The following PAPPA2 variants were observed in gnomAD, a reference collection of about 807,000 sequenced individuals.
PAPPA2 encodes the protein pappalysin 2.
PAPPA2 carries 86 observed loss-of-function variants against 176.4 expected under a neutral mutation model. The ratio of observed to expected loss-of-function variants is 0.49; its 90% CI spans 0.41 to 0.58. The LOEUF (loss-of-function observed/expected upper bound fraction) is 0.58. Among genes scored for constraint, PAPPA2 ranks in the 20% least tolerant of loss-of-function variants. The probability of loss-of-function intolerance (pLI) is 0.00; values close to 1 mark genes in which losing one functional copy is unlikely to be tolerated. For synonymous variants in PAPPA2, 809 were observed against 852.2 expected (o/e 0.95, Z 0.88); for missense variants, 2,073 against 2,256.9 (o/e 0.92, Z 1.65).
intron 1 of PAPPA2, among the ~76,000 whole-genome samples, chr1:176,472,565 C>G (rs1224346489): frequency 6.6e-6 from 1 of 152,148 alleles, no homozygotes; most frequent in Non-Finnish European, 1.5e-5. Flanking sequence ...ATGGTACTTA[C>G]AAACCGTAAT....
rs575028240 is a variant in PAPPA2 at position 176,609,623 on chromosome 1, C to G, written c.1991+14028C>G. 6.6e-5 allele frequency among the ~76,000 whole-genome samples: 10 copies of G among 152,294 alleles called. No homozygotes were observed. In the South Asian group the frequency reaches 2.1e-3, roughly 32 times the overall value. The stretch of plus-strand genomic sequence containing the variant: ...ACAGGAAGGAGCTAGCATGCCTGAA[C>G]TGAATGAGTTAGGCAGAGAGTAGTT... On this transcript the variant is annotated intron_variant, in intron 3 of 22. Coordinates refer to ENST00000367662, the MANE Select transcript of PAPPA2 (RefSeq NM_020318.3).
At chr1:176,489,586 G>A (rs573481727) in intron 1 of PAPPA2, among the ~76,000 whole-genome samples, 1 of 152,294 alleles carries the variant, frequency 6.6e-6, no homozygotes, top group South Asian at 2.1e-4. Context: ...CAGATTTGGG[G>A]CAAGCTTTCT....
rs1167302350 is a variant in PAPPA2, at chr1:176,844,589, C to G, written c.*2135C>G. The G allele has an allele frequency of 6.6e-6, 1 of 152,022 alleles. No individual in the cohort carries two copies. Among genetic ancestry groups the G allele is most frequent in the Non-Finnish European group, 1.5e-5 (1 of 67,992 alleles). 9.4% of individuals were successfully genotyped at this position (152,022 alleles called of 1,614,324 possible). On this transcript the variant is annotated 3_prime_UTR_variant, in exon 23 of 23. Coordinates refer to ENST00000367662, the MANE Select transcript of PAPPA2 (RefSeq NM_020318.3). ...ATTGTCTTGGGTCATGCTTAGTGCC[C>G]CCAAGAAGACAAACATATTTATTCT... is the stretch of plus-strand genomic sequence containing the variant.
chr1:176,744,176 A>G (rs1662804896), intron 14 of PAPPA2, among the ~76,000 whole-genome samples: 1 of 152,166 alleles, frequency 6.6e-6, no homozygotes, highest in Non-Finnish European at 1.5e-5. Flanking sequence ...TATCTTTATT[A>G]GGATCATACA....
At chr1:176,525,968 T>C (rs1649479837) in intron 1 of PAPPA2, among the ~76,000 whole-genome samples, 1 of 152,194 alleles carries the variant, frequency 6.6e-6, no homozygotes. Flanking sequence ...ATCTGTATTT[T>C]ACGATGAAGC....
intron 21 of PAPPA2, among the ~76,000 whole-genome samples, chr1:176,837,968 T>G (rs867093338): frequency 3.3e-5 from 5 of 152,312 alleles, no homozygotes; most frequent in South Asian, 4.1e-4. Flanking sequence ...GAGGAGCAAT[T>G]AATTCTAATA....
chr1:176,510,237 C>T, intron 1 of PAPPA2, among the ~76,000 whole-genome samples: 1 of 148,844 alleles, frequency 6.7e-6, no homozygotes, highest in Admixed American at 6.6e-5. Context: ...TTTTAAAAAG[C>T]AGATAGGGGT....
chr1:176,465,282 A>G (rs760598157), intron 1 of PAPPA2, among the ~76,000 whole-genome samples: 42 of 152,332 alleles, frequency 2.8e-4, no homozygotes, highest in Middle Eastern at 6.8e-3. Flanking sequence ...CAAGATGACT[A>G]GTTAAAAGTG....
intron 20 of PAPPA2, among the ~76,000 whole-genome samples, chr1:176,797,261 A>G (rs1665483586): frequency 6.6e-6 from 1 of 152,232 alleles, no homozygotes; most frequent in Non-Finnish European, 1.5e-5. Context: ...GAAAATGTTA[A>G]CAATTTTTGA....
chr1:176,831,073 A>C (rs1013668818), intron 21 of PAPPA2, among the ~76,000 whole-genome samples: 7 of 152,214 alleles, frequency 4.6e-5, no homozygotes, highest in African/African-American at 1.7e-4. Flanking sequence ...GGGGTAGACA[A>C]AAGTTTTTTC....
At position 176,595,094 on chromosome 1, in the gene PAPPA2, C is replaced by T; in HGVS notation, c.1490C>T (p.Pro497Leu). 1.2e-6 allele frequency: 2 copies of T among 1,614,142 alleles called. No homozygotes were observed. The highest frequency in any genetic ancestry group is 1.6e-4 in the Middle Eastern group (1 of 6,062). Reference sequence around the variant, plus strand: ...GAGATTCTGTCGCCTTTGCAGCCCCCACTCTGTGGGCAAACAGTCTGTGAC... The same window carrying T: ...GAGATTCTGTCGCCTTTGCAGCCCCTACTCTGTGGGCAAACAGTCTGTGAC... ...EPEILSPLQP[P>L]LCGQTVCDNV... is the part of the protein sequence containing the mutation. Residue 497 changes from proline (P) to leucine (L), a missense_variant, in exon 3 of 23, where the codon CCA becomes CTA. By Grantham distance (98) the Pro-to-Leu change is moderately conservative (BLOSUM62 -3). This residue lies in a region of PAPPA2 where 1,196 missense variants were observed against 1,330.4 expected (regional missense o/e 0.90). Transcript: ENST00000367662.
chr1:176,674,983 A>C (rs1215766269), intron 4 of PAPPA2, among the ~76,000 whole-genome samples: 1 of 151,946 alleles, frequency 6.6e-6, no homozygotes, highest in African/African-American at 2.4e-5. Context: ...TTCTTGCAGG[A>C]GTAATGTGGT....
At chr1:176,599,153 A>G (rs1204439605) in intron 3 of PAPPA2, among the ~76,000 whole-genome samples, 4 of 150,954 alleles carry the variant, frequency 2.6e-5, no homozygotes, top group Admixed American at 1.3e-4. Flanking sequence ...GTGTGTGTGT[A>G]TATATATATA....
In PAPPA2 at chr1:176,496,980, CT is replaced by C. The variant is rs926577512; in HGVS notation, c.-917+33572del. On this transcript the variant is annotated intron_variant, in intron 1 of 22. Transcript: ENST00000367662. ...ATAGGGCCAGAAACATTCCCTCAAC[CT>C]TTTTTTTTTAACTAGACAGAAAGAG... Among the ~76,000 whole-genome samples the C allele has an allele frequency of 2.5e-3, 368 of 148,628 alleles. 4 individuals are homozygous for C. Among genetic ancestry groups the C allele is most frequent in the African/African-American group, 8.6e-3 (349 of 40,672 alleles).
chr1:176,749,923 A>G (rs1663091292), intron 14 of PAPPA2, among the ~76,000 whole-genome samples: 1 of 152,218 alleles, frequency 6.6e-6, no homozygotes, highest in Non-Finnish European at 1.5e-5. Context: ...TTATGAATAA[A>G]GCTGCTATAA....
chr1:176,827,155 G>A (rs1169171692), intron 21 of PAPPA2, among the ~76,000 whole-genome samples: 10 of 151,708 alleles, frequency 6.6e-5, no homozygotes, highest in South Asian at 4.2e-4. Context: ...GTTCTTCTTC[G>A]TTCATATTGC....
chr1:176,604,658 C>G (rs1437487595), intron 3 of PAPPA2, among the ~76,000 whole-genome samples: 1 of 152,198 alleles, frequency 6.6e-6, no homozygotes, highest in Non-Finnish European at 1.5e-5. Flanking sequence ...ATGAAAAAAA[C>G]TGCCAACCCC....
chr1:176,571,539 G>A (rs2102614178), intron 2 of PAPPA2, among the ~76,000 whole-genome samples: 1 of 152,292 alleles, frequency 6.6e-6, no homozygotes, highest in Admixed American at 6.5e-5. Context: ...AAGATGTGAT[G>A]TCACAGAAGG....
At chr1:176,821,595 CT>C (rs1666669313) in intron 21 of PAPPA2, among the ~76,000 whole-genome samples, 1 of 152,154 alleles carries the variant, frequency 6.6e-6, no homozygotes, top group Non-Finnish European at 1.5e-5. Flanking sequence ...GGGACCTAGG[CT>C]TTAGAGTTTC....
Sources: allele counts gnomAD v4.1 joint callset (sites outside exome capture counted in the v4.1 genomes callset), GRCh38; gene constraint gnomAD v4.1.1; regional missense constraint gnomAD v4.1.1; transcripts MANE v1.5; gene names NCBI Gene and HGNC (gene_info 2026-07-23, HGNC 2026-07-21).